The following CSMD2 variants were observed in gnomAD, a reference collection of about 807,000 sequenced individuals.
The protein encoded by CSMD2 is CUB and sushi domain-containing protein 2.
A neutral mutation model predicts 398.5 loss-of-function variants in CSMD2; 130 were observed. That is an observed-to-expected ratio of 0.33 (90% CI 0.28 to 0.38). CSMD2 has a LOEUF of 0.38. Among genes scored for constraint, CSMD2 ranks in the 10% least tolerant of loss-of-function variants. CSMD2 has a pLI of 1.00. For synonymous variants in CSMD2, 1,828 were observed against 1,908.5 expected (o/e 0.96, Z 1.10); for missense variants, 3,829 against 4,764.9 (o/e 0.80, Z 5.78).
intron 9 of CSMD2, among the ~76,000 whole-genome samples, chr1:33,815,810 A>C (rs1175137433): frequency 6.6e-6 from 1 of 152,270 alleles, no homozygotes; most frequent in Non-Finnish European, 1.5e-5. Flanking sequence ...TAAGGGACTG[A>C]GGGACATTCT....
At chr1:34,114,472 A>C (rs1385999727) in intron 1 of CSMD2, among the ~76,000 whole-genome samples, 3 of 152,300 alleles carry the variant, frequency 2.0e-5, no homozygotes, top group Non-Finnish European at 4.4e-5. Context: ...CCGAAGCAGA[A>C]GGATAATTTG....
intron 5 of CSMD2, among the ~76,000 whole-genome samples, chr1:33,879,533 G>A (rs1312769700): frequency 6.6e-6 from 1 of 152,086 alleles, no homozygotes; most frequent in Non-Finnish European, 1.5e-5. Flanking sequence ...CCTGAGTCAT[G>A]TGACCACCTC....
At chr1:34,038,801 T>C (rs977969748) in intron 2 of CSMD2, among the ~76,000 whole-genome samples, 2 of 152,184 alleles carry the variant, frequency 1.3e-5, no homozygotes, top group Non-Finnish European at 2.9e-5. Context: ...AAATCAATAA[T>C]AAAATGGACT....
intron 3 of CSMD2, among the ~76,000 whole-genome samples, chr1:33,943,937 C>T (rs1241479303): frequency 6.6e-6 from 1 of 151,360 alleles, no homozygotes; most frequent in Admixed American, 6.6e-5. Context: ...CACACACACA[C>T]ACACACACAC....
chr1:33,722,928 G>A (rs543990702), intron 19 of CSMD2, among the ~76,000 whole-genome samples: 1 of 150,678 alleles, frequency 6.6e-6, no homozygotes, highest in Admixed American at 6.6e-5. Context: ...TTTTTCTTTT[G>A]TTCCAATGGT....
At chr1:34,138,254 C>T (rs1638944047) in intron 1 of CSMD2, among the ~76,000 whole-genome samples, 1 of 152,192 alleles carries the variant, frequency 6.6e-6, no homozygotes, top group South Asian at 2.1e-4. Context: ...GAGGCATGTA[C>T]ATTGTACTTT....
intron 22 of CSMD2, among the ~76,000 whole-genome samples, chr1:33,703,396 G>A (rs772533962): frequency 6.6e-6 from 1 of 151,950 alleles, no homozygotes; most frequent in Non-Finnish European, 1.5e-5. Context: ...TTATTCCTGG[G>A]TATTTTTATA....
At chr1:33,839,471 AGGAAAAGTT>A (rs1379370897) in intron 6 of CSMD2, 1 of 159,714 alleles carries the variant, frequency 6.3e-6, no homozygotes, top group East Asian at 1.9e-4. Context: ...TTCATGACTT[AGGAAAAGTT>A]GGAGCAGTCA....
chr1:33,648,724 C>T lies in CSMD2; in HGVS notation c.4587-1889G>A, dbSNP rs535558117. Reference sequence around the variant, plus strand: ...AGCTTCGAGAGAGACTCCTTCTGCCCGACAACAATGCTCCTGATCATTTCT... The same window carrying T: ...AGCTTCGAGAGAGACTCCTTCTGCCTGACAACAATGCTCCTGATCATTTCT... On this transcript the variant is annotated intron_variant, in intron 28 of 70. Transcript: ENST00000373381. 1.2e-4 allele frequency among the ~76,000 whole-genome samples: 18 copies of T among 152,228 alleles called. No individual in the cohort carries two copies. The South Asian group carries it at 1.2e-3, about 11-fold the overall frequency.
chr1:33,906,536 C>T (rs1337444957), intron 5 of CSMD2, among the ~76,000 whole-genome samples: 1 of 152,138 alleles, frequency 6.6e-6, no homozygotes, highest in Non-Finnish European at 1.5e-5. Flanking sequence ...GAGAACTTAG[C>T]AATTAATTGA....
chr1:33,989,026 A>C (rs1440892999), intron 3 of CSMD2, among the ~76,000 whole-genome samples: 26 of 12,426 alleles, frequency 2.1e-3, no homozygotes, highest in African/African-American at 9.6e-3. Flanking sequence ...ATATATATAT[A>C]TATATATATA....
chr1:34,073,097 C>T (rs1655921403), intron 2 of CSMD2, among the ~76,000 whole-genome samples: 1 of 152,208 alleles, frequency 6.6e-6, no homozygotes, highest in South Asian at 2.1e-4. Flanking sequence ...CCCAAGAAGC[C>T]CTGCCCAGCA....
At chr1:33,983,648 T>C (rs1558199707) in intron 3 of CSMD2, among the ~76,000 whole-genome samples, 1 of 151,988 alleles carries the variant, frequency 6.6e-6, no homozygotes, top group Non-Finnish European at 1.5e-5. Flanking sequence ...GTCACAGGCA[T>C]GCTTTCTCCC....
chr1:33,721,013 A>G (rs1470280429), intron 19 of CSMD2, among the ~76,000 whole-genome samples: 1 of 152,150 alleles, frequency 6.6e-6, no homozygotes, highest in Admixed American at 6.5e-5. Flanking sequence ...CGATTTTATA[A>G]TTTGGGGATC....
chr1:33,693,001 C>G lies in CSMD2; in HGVS notation c.3981G>C (p.Gly1327=), dbSNP rs943169923. 3 of 1,604,984 alleles carry G rather than the reference C, an allele frequency of 1.9e-6. No individual in the cohort carries two copies. Among genetic ancestry groups the G allele is most frequent in the Non-Finnish European group, 1.7e-6 (2 of 1,176,240 alleles). Residue 1327 remains glycine, a synonymous_variant, in exon 25 of 71, where the codon GGG becomes GGC. Coordinates refer to ENST00000373381, the MANE Select transcript of CSMD2 (RefSeq NM_001281956.2). ...GEVSGQVLSP[G]YPAPYEHNLN... ...GATTGTGTTCATAGGGAGCTGGATA[C>G]CCGGGTGACAGCACCTGCCCCGACA...
intron 62 of CSMD2, among the ~76,000 whole-genome samples, chr1:33,534,888 G>T (rs747242358): frequency 2.6e-5 from 4 of 152,070 alleles, no homozygotes; most frequent in African/African-American, 9.7e-5. Context: ...AATGTATCCC[G>T]AACAAGCGTT....
At chr1:34,026,417 C>CTTAAAA (rs1649649655) in intron 3 of CSMD2, among the ~76,000 whole-genome samples, 1 of 152,094 alleles carries the variant, frequency 6.6e-6, no homozygotes, top group African/African-American at 2.4e-5. Flanking sequence ...TTAAGGAAGC[C>CTTAAAA]TATAGTTTGA....
chr1:33,883,578 C>T (rs552123762), intron 5 of CSMD2, among the ~76,000 whole-genome samples: 3 of 152,012 alleles, frequency 2.0e-5, no homozygotes, highest in Admixed American at 6.5e-5. Context: ...CCTAATCAAC[C>T]GAGTTATAGT....
chr1:34,011,492 C>T (rs1647317649), intron 3 of CSMD2, among the ~76,000 whole-genome samples: 1 of 152,150 alleles, frequency 6.6e-6, no homozygotes, highest in Admixed American at 6.5e-5. Flanking sequence ...CATTCTTTCC[C>T]CACCCTAGTT....
Sources: allele counts gnomAD v4.1 joint callset (sites outside exome capture counted in the v4.1 genomes callset), GRCh38; gene constraint gnomAD v4.1.1; transcripts MANE v1.5; gene names NCBI Gene and HGNC (gene_info 2026-07-23, HGNC 2026-07-21).